Variants in MAP2K5 observed in about 807,000 individuals in gnomAD.
The protein encoded by MAP2K5 is dual specificity mitogen-activated protein kinase kinase 5.
Under a neutral mutation model 83.1 loss-of-function variants are expected in MAP2K5, and 49 were observed. The observed-to-expected ratio is 0.59, with a 90% CI of 0.47 to 0.75. The LOEUF (loss-of-function observed/expected upper bound fraction) is 0.75, where lower values mean the gene tolerates loss of function less well. MAP2K5 is among the 30% of genes least tolerant of loss of function. The probability of loss-of-function intolerance (pLI) is 0.00; values close to 1 mark genes in which losing one functional copy is unlikely to be tolerated. For synonymous variants in MAP2K5, 202 were observed against 191.8 expected, an observed-to-expected ratio of 1.05 and a Z score of -0.44; for missense variants, 457 against 557.5, an observed-to-expected ratio of 0.82 and a Z score of 1.82.
At chr15:67,742,399 G>C (rs1211413844) in intron 17 of MAP2K5, among the ~76,000 whole-genome samples, 4 of 152,144 alleles carry the variant, frequency 2.6e-5, no homozygotes, top group Non-Finnish European at 5.9e-5. Flanking sequence ...GAAAGCTCCG[G>C]AAAAACCCTC....
chr15:67,791,450 C>A (rs1162855972), intron 21 of MAP2K5, among the ~76,000 whole-genome samples: 1 of 152,200 alleles, frequency 6.6e-6, no homozygotes, highest in Non-Finnish European at 1.5e-5. Flanking sequence ...TCTTAGAGTG[C>A]AGTGTCCTTG....
At chr15:67,560,921 A>C (rs1257852320) in intron 2 of MAP2K5, among the ~76,000 whole-genome samples, 1 of 152,090 alleles carries the variant, frequency 6.6e-6, no homozygotes, top group Non-Finnish European at 1.5e-5. Context: ...CCTTTTTTTA[A>C]ATAAATTATA....
rs2090297469 is a variant in MAP2K5, at chr15:67,779,756, A to G, written c.1242+7004A>G. ...GTCATCTTCCTAGTATCTTGTTTCA[A>G]GGCACAGTGAAGCTGTGTAGCATTC... On this transcript the variant is annotated intron_variant, in intron 21 of 21. Coordinates refer to ENST00000178640, the MANE Select transcript of MAP2K5 (RefSeq NM_145160.3). This position sits in a 1 kb window ranked among gnomAD's most constrained non-coding sequence, Gnocchi z 4.6. Among the ~76,000 whole-genome samples the G allele has an allele frequency of 6.6e-6, 1 of 152,114 alleles. No homozygotes were observed. The highest frequency in any genetic ancestry group is 1.5e-5 in the Non-Finnish European group (1 of 68,024).
intron 2 of MAP2K5, among the ~76,000 whole-genome samples, chr15:67,560,338 T>G (rs1413530260): frequency 6.6e-6 from 1 of 152,232 alleles, no homozygotes; most frequent in African/African-American, 2.4e-5. Context: ...AGTTTCCTCT[T>G]GGACAAAAAC....
At chr15:67,666,619 G>A (rs1396516906) in intron 13 of MAP2K5, among the ~76,000 whole-genome samples, 4 of 152,120 alleles carry the variant, frequency 2.6e-5, no homozygotes, top group Admixed American at 6.5e-5. Flanking sequence ...GGGCTTTTTC[G>A]TTAGTGACGG....
At chr15:67,772,316 A>G (rs1020375257) in intron 20 of MAP2K5, among the ~76,000 whole-genome samples, 1 of 151,908 alleles carries the variant, frequency 6.6e-6, no homozygotes, top group African/African-American at 2.4e-5. Flanking sequence ...CCAATTACCA[A>G]AAAAAAAGGT....
Position 67,769,107 on chromosome 15 carries a change from TA to T in MAP2K5, c.1135-483del, listed in dbSNP as rs61558595. The stretch of plus-strand genomic sequence containing the variant: ...CCCTATAAAAGCCTTTCTATTAAAG[TA>T]AAAAAAAAAAATTGATCCAAATTAT... On this transcript the variant is annotated intron_variant, in intron 19 of 21. Transcript: ENST00000178640. This position sits in a 1 kb window ranked among gnomAD's most constrained non-coding sequence, Gnocchi z 5.2. Among the ~76,000 whole-genome samples the T allele has an allele frequency of 1.3e-5, 2 of 149,084 alleles. No individual in the cohort carries two copies. The highest frequency in any genetic ancestry group is 2.4e-5 in the African/African-American group (1 of 40,866).
At chr15:67,595,364 A>G (rs1230269565) in intron 7 of MAP2K5, among the ~76,000 whole-genome samples, 3 of 152,212 alleles carry the variant, frequency 2.0e-5, no homozygotes, top group East Asian at 3.8e-4. Flanking sequence ...GGGATTTACT[A>G]AATCTCTCCA....
chr15:67,686,603 A>AAATAAT (rs57116318), intron 13 of MAP2K5, among the ~76,000 whole-genome samples: 32 of 148,538 alleles, frequency 2.2e-4, no homozygotes, highest in African/African-American at 8.0e-4. Flanking sequence ...ACTGTGTCTC[A>AAATAAT]AATAATAATA....
In MAP2K5 at chr15:67,658,630, C is replaced by T; in HGVS notation, c.798+16C>T. On this transcript the variant is annotated intron_variant, in intron 12 of 21. Transcript: ENST00000178640. The stretch of plus-strand genomic sequence containing the variant: ...TGCAGTAGCAGTAAGTATATGGCTT[C>T]AGTGTTAGGAAATTTGAGTGATTTA... 2 of 1,599,456 alleles carry T rather than the reference C, an allele frequency of 1.3e-6. No individual in the cohort carries two copies. The highest frequency in any genetic ancestry group is 1.7e-6 in the Non-Finnish European group (2 of 1,168,224).
At chr15:67,546,676 G>C in intron 1 of MAP2K5, 1 of 923,586 alleles carries the variant, frequency 1.1e-6, no homozygotes, top group Non-Finnish European at 1.3e-6. Flanking sequence ...AACTATACAA[G>C]AGGTCTGGTT....
chr15:67,558,116 T>C (rs2084664309), intron 2 of MAP2K5, among the ~76,000 whole-genome samples: 1 of 152,220 alleles, frequency 6.6e-6, no homozygotes, highest in Admixed American at 6.5e-5. Flanking sequence ...TGCTAATTTG[T>C]ATGAAAATTA....
chr15:67,622,807 A>C (rs1038269502), intron 8 of MAP2K5, among the ~76,000 whole-genome samples: 1 of 152,152 alleles, frequency 6.6e-6, no homozygotes, highest in South Asian at 2.1e-4. Context: ...CGTTTATAAG[A>C]AAGTGTATGG....
At chr15:67,660,500 A>C (rs1036454408) in intron 12 of MAP2K5, among the ~76,000 whole-genome samples, 2 of 152,102 alleles carry the variant, frequency 1.3e-5, no homozygotes, top group Non-Finnish European at 2.9e-5. Flanking sequence ...TTTCTCTGAA[A>C]GTGTACTGAA....
Position 67,543,248 on chromosome 15 carries a change from C to T in MAP2K5, c.-88C>T. On this transcript the variant is annotated 5_prime_UTR_variant, in exon 1 of 22. Coordinates refer to ENST00000178640, the MANE Select transcript of MAP2K5 (RefSeq NM_145160.3). This position sits in a 1 kb window ranked among gnomAD's most constrained non-coding sequence, Gnocchi z 4.3. ...TTTTCACCCTCTGTCCTCTGCCCGT[C>T]ACTCCCCTTGTCACCTCTTGGAGCC... is the stretch of plus-strand genomic sequence containing the variant. The T allele has an allele frequency of 7.3e-7, 1 of 1,375,322 alleles. No individual in the cohort carries two copies. 85.2% of individuals were successfully genotyped at this position (1,375,322 alleles called of 1,614,324 possible). A position where few individuals can be genotyped will look rare whatever the true frequency, so the allele number is the denominator to read the frequency against.
chr15:67,598,298 A>G (rs2085575420), intron 7 of MAP2K5, among the ~76,000 whole-genome samples: 1 of 152,208 alleles, frequency 6.6e-6, no homozygotes, highest in African/African-American at 2.4e-5. Context: ...GAAAGACATT[A>G]TAGGAACACG....
At position 67,794,572 on chromosome 15, in the gene MAP2K5, C is replaced by G. The variant is rs2141336905; in HGVS notation, c.1243-12074C>G. On this transcript the variant is annotated intron_variant, in intron 21 of 21. Transcript: ENST00000178640. This position sits in a 1 kb window ranked among gnomAD's most constrained non-coding sequence, Gnocchi z 4.6. ...TCTTCCAAATTTTCCCCAGCCAGCT[C>G]CCTGCACTCCTGACCCTCAGCAGCC... Among the ~76,000 whole-genome samples, 3 of 151,552 alleles carry G rather than the reference C, an allele frequency of 2.0e-5. No individual in the cohort carries two copies. The South Asian group carries it at 6.3e-4, about 32-fold the overall frequency.
At chr15:67,679,630 G>A (rs931466203) in intron 13 of MAP2K5, 1 of 152,002 alleles carries the variant, frequency 6.6e-6, no homozygotes, top group Non-Finnish European at 1.5e-5. Context: ...GTTCTAAGAG[G>A]AAATAACCAT....
At chr15:67,674,687 A>C (rs953801179) in intron 13 of MAP2K5, among the ~76,000 whole-genome samples, 1 of 152,208 alleles carries the variant, frequency 6.6e-6, no homozygotes, top group Non-Finnish European at 1.5e-5. Context: ...GAAACGCTAC[A>C]TGTCTTAAAA....
Sources: allele counts gnomAD v4.1 joint callset (sites outside exome capture counted in the v4.1 genomes callset), GRCh38; gene constraint gnomAD v4.1.1; non-coding constraint Gnocchi (gnomAD v3.1); transcripts MANE v1.5; gene names NCBI Gene and HGNC (gene_info 2026-07-23, HGNC 2026-07-21).